The following CNOT10 variants were observed in gnomAD, a reference collection of about 807,000 sequenced individuals.
CNOT10 encodes the protein CCR4-NOT transcription complex subunit 10.
In CNOT10, 30 loss-of-function variants were observed where a neutral mutation model predicts 94.6. The observed-to-expected ratio is 0.32, with a 90% CI of 0.24 to 0.43. The LOEUF is 0.43. Ranked by LOEUF, CNOT10 falls within the 20% of genes least tolerant of loss-of-function variation. The probability of loss-of-function intolerance (pLI) is 1.00; values close to 1 mark genes in which losing one functional copy is unlikely to be tolerated. For synonymous variants in CNOT10, 289 were observed against 301.6 expected, an observed-to-expected ratio of 0.96 and a Z score of 0.43; for missense variants, 759 against 877.2, an observed-to-expected ratio of 0.87 and a Z score of 1.70.
At chr3:32,715,930 T>C in intron 5 of CNOT10, 1 of 211,740 alleles carries the variant, frequency 4.7e-6, no homozygotes, top group South Asian at 1.2e-4. Context: ...CTCAGCTTCC[T>C]GAGTAGCTGG....
chr3:32,765,018 A>G (rs74334482), intron 17 of CNOT10: 36,263 of 1,479,176 alleles, frequency 0.025, 600 homozygotes, highest in East Asian at 0.057. Flanking sequence ...CTTCTTGATG[A>G]TTTTATTTTA....
At position 32,759,307 on chromosome 3, in the gene CNOT10, A is replaced by G. The variant is rs148102629; in HGVS notation, c.1596-151A>G. 7.0e-3 allele frequency: 4,314 copies of G among 616,248 alleles called. 29 individuals carry two copies. Among genetic ancestry groups the G allele is most frequent in the Non-Finnish European group, 9.7e-3 (3,314 of 343,112 alleles). 38.2% of individuals were successfully genotyped at this position (616,248 alleles called of 1,614,324 possible). Reference sequence around the variant, plus strand: ...TGTTTCAGAATTGTTTTATACATCAATCTAATTCTTACCATTAGTACCGTG... The same window carrying G: ...TGTTTCAGAATTGTTTTATACATCAGTCTAATTCTTACCATTAGTACCGTG... On this transcript the variant is annotated intron_variant, in intron 13 of 18. Transcript: ENST00000328834.
At chr3:32,694,013 A>C (rs1233487471) in intron 1 of CNOT10, among the ~76,000 whole-genome samples, 1 of 152,034 alleles carries the variant, frequency 6.6e-6, no homozygotes. Flanking sequence ...ATTCTCAGGA[A>C]ATTTTTTTTT....
chr3:32,692,057 A>C (rs1212228693), intron 1 of CNOT10, among the ~76,000 whole-genome samples: 1 of 151,680 alleles, frequency 6.6e-6, no homozygotes, highest in Non-Finnish European at 1.5e-5. Flanking sequence ...TCACCAAAAA[A>C]AAAAAAAAAA....
chr3:32,724,647 C>T (rs1307226977), intron 8 of CNOT10, among the ~76,000 whole-genome samples: 6 of 152,034 alleles, frequency 3.9e-5, no homozygotes, highest in African/African-American at 9.7e-5. Flanking sequence ...CTCCTGACCT[C>T]GTGATCCGCC....
intron 1 of CNOT10, chr3:32,687,703 TC>T (rs1696691558): frequency 6.6e-6 from 1 of 152,166 alleles, no homozygotes; most frequent in East Asian, 1.9e-4. Context: ...TCCGCCTGCC[TC>T]GCCCTCCCAA....
intron 8 of CNOT10, 112 bp from the exon 9 acceptor site, chr3:32,725,338 G>T (rs1490556253): frequency 1.2e-6 from 1 of 802,724 alleles, no homozygotes; most frequent in Non-Finnish European, 2.2e-6. Flanking sequence ...GTTCTTTAGG[G>T]AGTAAGTGGA....
At chr3:32,737,940 A>C (rs184937304) in intron 13 of CNOT10, among the ~76,000 whole-genome samples, 20 of 152,250 alleles carry the variant, frequency 1.3e-4, no homozygotes, top group Non-Finnish European at 2.5e-4. Context: ...CTTTTGTATA[A>C]ATTTTTAGAT....
Position 32,703,868 on chromosome 3 carries a change from A to T in CNOT10, c.23A>T (p.Asp8Val). ...AACTGTAAAATTTGTGTGTTTGCAGATCAGGGAGCAGAGAAACATGAAGGC... is the reference window on the plus strand; with the variant it reads ...AACTGTAAAATTTGTGTGTTTGCAGTTCAGGGAGCAGAGAAACATGAAGGC... MAADKPA[D>V]QGAEKHEGTG... The change falls in exon 2 of 19, where the codon GAT becomes GTT. Residue 8 changes from aspartate to valine, a missense_variant and splice_region_variant. Transcript: ENST00000328834. The T allele has an allele frequency of 1.2e-6, 2 of 1,611,142 alleles. No homozygotes were observed. The highest frequency in any genetic ancestry group is 1.7e-6 in the Non-Finnish European group (2 of 1,177,486).
At chr3:32,771,053 G>A (rs978738731) in intron 18 of CNOT10, among the ~76,000 whole-genome samples, 2 of 152,146 alleles carry the variant, frequency 1.3e-5, no homozygotes, top group South Asian at 2.1e-4. Flanking sequence ...GGAGCTGGGC[G>A]CAGTGGCACA....
At chr3:32,764,855 C>A (rs758103862) in intron 17 of CNOT10, 46 bp downstream of exon 17, 2 of 1,601,452 alleles carry the variant, frequency 1.2e-6, no homozygotes, top group East Asian at 4.5e-5. Flanking sequence ...GCAGCCAACA[C>A]AAGTTTGAGG....
rs972640437 is a variant in CNOT10 at position 32,713,147 on chromosome 3, A to G, written c.431-80A>G. The G allele has an allele frequency of 5.2e-6, 6 of 1,143,676 alleles. No homozygotes were observed. The East Asian group carries it at 7.8e-5, about 15-fold the overall frequency. The allele number at this position is 1,143,676 out of a possible 1,614,324, so 70.8% of individuals were successfully genotyped here. On this transcript the variant is annotated intron_variant, in intron 4 of 18. Coordinates refer to ENST00000328834, the MANE Select transcript of CNOT10 (RefSeq NM_015442.3). ...TATGCTTTGCTATTTAAAGCTTTGT[A>G]TACTTTTTTGGAGGGTGGTCTGAAA...
chr3:32,696,184 C>T (rs533331764), intron 1 of CNOT10, among the ~76,000 whole-genome samples: 4 of 152,036 alleles, frequency 2.6e-5, no homozygotes, highest in South Asian at 4.2e-4. Flanking sequence ...AGCATGGTGG[C>T]GGGCACCTAT....
intron 13 of CNOT10, among the ~76,000 whole-genome samples, chr3:32,740,840 C>T (rs144213294): frequency 2.0e-4 from 29 of 147,162 alleles, no homozygotes; most frequent in African/African-American, 5.0e-4. Context: ...CCAGCCTGGA[C>T]GACAGAGCGA....
intron 9 of CNOT10, among the ~76,000 whole-genome samples, chr3:32,727,161 G>A (rs1698712362): frequency 6.6e-6 from 1 of 151,790 alleles, no homozygotes; most frequent in African/African-American, 2.4e-5. Flanking sequence ...TTTAAAAAGT[G>A]GAAACTTTAT....
intron 13 of CNOT10, among the ~76,000 whole-genome samples, chr3:32,740,753 G>A (rs970402405): frequency 2.0e-5 from 3 of 151,762 alleles, no homozygotes; most frequent in African/African-American, 7.3e-5. Flanking sequence ...TCCCAGCTAC[G>A]CGGGAGGCTG....
At chr3:32,757,293 C>T (rs938356849) in intron 13 of CNOT10, among the ~76,000 whole-genome samples, 1 of 148,230 alleles carries the variant, frequency 6.7e-6, no homozygotes, top group African/African-American at 2.5e-5. Flanking sequence ...GATTCTCCTG[C>T]CTCAGCCTCC....
In CNOT10 at chr3:32,766,632, C is replaced by CAA. The variant is rs369161243; in HGVS notation, c.2004+1839_2004+1840dup. 1.3e-3 allele frequency among the ~76,000 whole-genome samples: 94 copies of CAA among 71,920 alleles called. 1 individual carries two copies. The highest frequency in any genetic ancestry group is 4.7e-3 in the African/African-American group (88 of 18,896). 47.2% of individuals were successfully genotyped at this position (71,920 alleles called of 152,430 possible). A position where few individuals can be genotyped will look rare whatever the true frequency, so the allele number is the denominator to read the frequency against. ...CGGGCAACAGAGCGGGACTCTGTCT[C>CAA]AAAAAAAAAAAAAAAAAGTGAATTA... On this transcript the variant is annotated intron_variant, in intron 17 of 18. Coordinates refer to ENST00000328834, the MANE Select transcript of CNOT10 (RefSeq NM_015442.3).
At chr3:32,731,530 A>G (rs1245777417) in intron 10 of CNOT10, among the ~76,000 whole-genome samples, 1 of 152,166 alleles carries the variant, frequency 6.6e-6, no homozygotes, top group East Asian at 1.9e-4. Context: ...GCTTGAGTGC[A>G]GTGGCGTGAT....
Sources: gnomAD v4.1 joint callset for allele counts (sites outside exome capture counted in the v4.1 genomes callset) on GRCh38, gnomAD v4.1.1 for gene constraint, MANE v1.5 for transcripts, NCBI Gene and HGNC (gene_info 2026-07-23, HGNC 2026-07-21) for gene names.